EHMT1: variants seen among roughly 807,000 people sequenced by gnomAD.
The protein encoded by EHMT1 is euchromatic histone lysine methyltransferase 1, also known as histone-lysine N-methyltransferase EHMT1.
EHMT1 carries 15 observed loss-of-function variants against 147.2 expected under a neutral mutation model. The ratio of observed to expected loss-of-function variants is 0.10; its 90% CI spans 0.07 to 0.16. The LOEUF (loss-of-function observed/expected upper bound fraction) is 0.16, where lower values mean the gene tolerates loss of function less well. Ranked by LOEUF, EHMT1 falls within the 10% of genes least tolerant of loss-of-function variation. EHMT1 has a pLI of 1.00. For synonymous variants in EHMT1, 795 were observed against 709.6 expected (o/e 1.12, Z -1.91); for missense variants, 1,587 against 1,772.4 (o/e 0.90, Z 1.88).
intron 3 of EHMT1, among the ~76,000 whole-genome samples, chr9:137,720,359 A>G (rs1945828283): frequency 6.6e-6 from 1 of 151,994 alleles, no homozygotes. Context: ...GCTGGACTGC[A>G]GTGGCCTGAT....
chr9:137,669,336 G>GCACTCACCAACTGCACCCAA (rs1564562348), intron 1 of EHMT1, among the ~76,000 whole-genome samples: 30 of 22,066 alleles, frequency 1.4e-3, no homozygotes, highest in Middle Eastern at 0.028. Context: ...CACAGCACGT[G>GCACTCACCAACTGCACCCAA]GACCCCACAC....
In EHMT1 at chr9:137,786,305, T is replaced by C. The variant is rs1951960558; in HGVS notation, c.2382+3908T>C. ...CCCGTCCTGCAGAACTTACTGTTGC[T>C]GGTCTTAGAGGGATTTCTATTTTTT... is the stretch of plus-strand genomic sequence containing the variant. On this transcript the variant is annotated intron_variant, in intron 15 of 26. Coordinates refer to ENST00000460843, the MANE Select transcript of EHMT1 (RefSeq NM_024757.5). This position sits in a 1 kb window ranked among gnomAD's most constrained non-coding sequence, Gnocchi z 4.3. 1 of 152,278 alleles carries C rather than the reference T, an allele frequency of 6.6e-6. No individual in the cohort carries two copies. Among genetic ancestry groups the C allele is most frequent in the East Asian group, 1.9e-4 (1 of 5,200 alleles). 9.4% of individuals were successfully genotyped at this position (152,278 alleles called of 1,614,324 possible).
intron 4 of EHMT1, chr9:137,743,053 C>T (rs1217874461): frequency 1.6e-5 from 6 of 372,066 alleles, no homozygotes; most frequent in South Asian, 9.2e-5. Flanking sequence ...GAGGAGGAGT[C>T]GCTTCAGAGC....
rs1951941947 is a variant in EHMT1 at position 137,786,070 on chromosome 9, C to G, written c.2382+3673C>G. 6.6e-6 allele frequency: 1 copy of G among 152,496 alleles called. No homozygotes were observed. Among genetic ancestry groups the G allele is most frequent in the Admixed American group, 6.5e-5 (1 of 15,294 alleles). 9.4% of individuals were successfully genotyped at this position (152,496 alleles called of 1,614,324 possible). ...CTGACTGCCTGTGCTCTGTGCTTGT[C>G]TGAAACGTCGTCTTTGGGGAGGCCG... On this transcript the variant is annotated intron_variant, in intron 15 of 26. Transcript: ENST00000460843. The surrounding 1 kb of genome is among the most constrained non-coding windows in gnomAD (Gnocchi z 4.3).
At chr9:137,684,360 A>G (rs1224638099) in intron 1 of EHMT1, among the ~76,000 whole-genome samples, 1 of 152,070 alleles carries the variant, frequency 6.6e-6, no homozygotes, top group African/African-American at 2.4e-5. Context: ...AATAATTTCA[A>G]CTGAATAGAA....
intron 6 of EHMT1, among the ~76,000 whole-genome samples, chr9:137,751,614 G>A (rs555547603): frequency 2.6e-5 from 4 of 152,358 alleles, no homozygotes; most frequent in South Asian, 4.1e-4. Context: ...TGCACTGAAC[G>A]TCTATTTGCG....
intron 1 of EHMT1, among the ~76,000 whole-genome samples, chr9:137,660,002 C>A (rs1297798053): frequency 6.6e-6 from 1 of 151,892 alleles, no homozygotes; most frequent in East Asian, 1.9e-4. Context: ...TGACCTTTTT[C>A]TTTTTTTAAT....
chr9:137,644,960 C>G (rs1193254029), intron 1 of EHMT1, among the ~76,000 whole-genome samples: 2 of 152,072 alleles, frequency 1.3e-5, no homozygotes, highest in African/African-American at 2.4e-5. Context: ...GCAGTCTCCA[C>G]CTCCCAGGTT....
At chr9:137,689,188 A>G (rs1942722363) in intron 1 of EHMT1, among the ~76,000 whole-genome samples, 1 of 152,202 alleles carries the variant, frequency 6.6e-6, no homozygotes, top group South Asian at 2.1e-4. Context: ...CTTATTGTGG[A>G]AAAAAATCAA....
intron 1 of EHMT1, among the ~76,000 whole-genome samples, chr9:137,625,534 T>C (rs1457725867): frequency 2.0e-5 from 3 of 151,750 alleles, no homozygotes; most frequent in Non-Finnish European, 4.4e-5. Flanking sequence ...GATGGGGTTT[T>C]GTCATGTTGA....
intron 2 of EHMT1, among the ~76,000 whole-genome samples, chr9:137,711,900 G>A (rs775736310): frequency 5.3e-5 from 8 of 152,206 alleles, no homozygotes; most frequent in Non-Finnish European, 7.3e-5. Flanking sequence ...TCCAGACAGC[G>A]CGCAAGGCCT....
intron 1 of EHMT1, among the ~76,000 whole-genome samples, chr9:137,660,748 C>T (rs1938991531): frequency 6.6e-6 from 1 of 152,054 alleles, no homozygotes; most frequent in South Asian, 2.1e-4. Flanking sequence ...TACAATTTTT[C>T]CTGTAGAGGT....
chr9:137,751,541 A>G (rs1404531093), intron 6 of EHMT1, among the ~76,000 whole-genome samples: 2 of 152,186 alleles, frequency 1.3e-5, no homozygotes, highest in Non-Finnish European at 2.9e-5. Context: ...AGGCAGCCCC[A>G]TGCCGCCTTA....
At chr9:137,737,616 A>G (rs567622478) in intron 4 of EHMT1, among the ~76,000 whole-genome samples, 5 of 152,314 alleles carry the variant, frequency 3.3e-5, no homozygotes, top group African/African-American at 1.2e-4. Flanking sequence ...TTTCTTGGAC[A>G]TGACACCAAA....
At chr9:137,643,441 C>T (rs763997853) in intron 1 of EHMT1, among the ~76,000 whole-genome samples, 25 of 147,534 alleles carry the variant, frequency 1.7e-4, no homozygotes, top group Non-Finnish European at 2.7e-4. Context: ...CCCAGGTTCA[C>T]GCCATCCTCC....
intron 10 of EHMT1, chr9:137,764,826 G>A (rs1466764614): frequency 3.3e-5 from 5 of 151,820 alleles, no homozygotes; most frequent in Non-Finnish European, 7.4e-5. Flanking sequence ...TCTGTCCCCT[G>A]CTTCTTCCCA....
At chr9:137,745,048 G>T (rs1028455801) in intron 6 of EHMT1, among the ~76,000 whole-genome samples, 1 of 152,258 alleles carries the variant, frequency 6.6e-6, no homozygotes, top group African/African-American at 2.4e-5. Context: ...TATTGTTCGA[G>T]TGTGTCCAAC....
At chr9:137,823,223 T>C (rs562085157) in intron 25 of EHMT1, among the ~76,000 whole-genome samples, 40 of 138,174 alleles carry the variant, frequency 2.9e-4, no homozygotes, top group East Asian at 1.2e-3. Context: ...CTCAGCCTCC[T>C]GAGTAGCTGG....
At chr9:137,796,898 A>G (rs1953006638) in intron 16 of EHMT1, among the ~76,000 whole-genome samples, 2 of 152,098 alleles carry the variant, frequency 1.3e-5, no homozygotes, top group Admixed American at 1.3e-4. Flanking sequence ...GACATAGAGC[A>G]GCAGGCAGGG....
Sources: gnomAD v4.1 joint callset for allele counts (sites outside exome capture counted in the v4.1 genomes callset) on GRCh38, gnomAD v4.1.1 for gene constraint, Gnocchi (gnomAD v3.1) non-coding constraint, MANE v1.5 for transcripts, NCBI Gene and HGNC (gene_info 2026-07-23, HGNC 2026-07-21) for gene names.